NFATC2: variants seen among roughly 807,000 people sequenced by gnomAD.
NFATC2 encodes nuclear factor of activated T-cells, cytoplasmic 2.
Under a neutral mutation model 87.3 loss-of-function variants are expected in NFATC2, and 22 were observed. That is an observed-to-expected ratio of 0.25 (90% CI 0.18 to 0.36). The LOEUF (loss-of-function observed/expected upper bound fraction) is 0.36, where lower values mean the gene tolerates loss of function less well. Among genes scored for constraint, NFATC2 ranks in the 10% least tolerant of loss-of-function variants. NFATC2 has a pLI of 1.00. For missense variants in NFATC2, 1,149 were observed against 1,259.1 expected, an observed-to-expected ratio of 0.91 and a Z score of 1.32; for synonymous variants, 565 against 542.2, an observed-to-expected ratio of 1.04 and a Z score of -0.58.
chr20:51,480,734 C>T lies in NFATC2; in HGVS notation c.1333-5074G>A, dbSNP rs540602899. Reference sequence around the variant, plus strand: ...CAGATAAAAAGGAGACATCACCCCCCACCCTGCAGGCCTCTTCTGAAAGGC... The same window carrying T: ...CAGATAAAAAGGAGACATCACCCCCTACCCTGCAGGCCTCTTCTGAAAGGC... On this transcript the variant is annotated intron_variant, in intron 3 of 10. Transcript: ENST00000371564. The surrounding 1 kb of genome is among the most constrained non-coding windows in gnomAD (Gnocchi z 4.2). Among the ~76,000 whole-genome samples, 1 of 152,226 alleles carries T rather than the reference C, an allele frequency of 6.6e-6. No homozygotes were observed. Among genetic ancestry groups the T allele is most frequent in the Admixed American group, 6.5e-5 (1 of 15,286 alleles).
chr20:51,542,915 G>A (rs745532791), upstream of NFATC2, among the ~76,000 whole-genome samples: 22 of 152,088 alleles, frequency 1.4e-4, no homozygotes, highest in Non-Finnish European at 1.9e-4. Flanking sequence ...ACCGCTGGGC[G>A]CTGGGGCGGC....
chr20:51,553,262 G>A (rs924067039), intron 1 of NFATC2, among the ~76,000 whole-genome samples: 6 of 152,170 alleles, frequency 3.9e-5, no homozygotes, highest in South Asian at 2.1e-4. Context: ...CGCCTGGGCT[G>A]CAGAGTCTTG....
chr20:51,460,388 C>A (rs1338847914), intron 5 of NFATC2, among the ~76,000 whole-genome samples: 1 of 152,136 alleles, frequency 6.6e-6, no homozygotes, highest in Non-Finnish European at 1.5e-5. Context: ...TGTTAACAGT[C>A]CCACTTCACA....
chr20:51,536,869 G>A (rs910673311), intron 1 of NFATC2, among the ~76,000 whole-genome samples: 1 of 151,522 alleles, frequency 6.6e-6, no homozygotes, highest in Non-Finnish European at 1.5e-5. Context: ...TGCTTGCTTA[G>A]TGTAGAACAC....
intron 1 of NFATC2, among the ~76,000 whole-genome samples, chr20:51,556,567 G>C (rs1279628288): frequency 1.3e-5 from 2 of 152,250 alleles, no homozygotes; most frequent in East Asian, 3.9e-4. Context: ...CAAACATCTT[G>C]GTGAAAACAC....
chr20:51,535,114 C>T (rs1306152788), intron 1 of NFATC2, among the ~76,000 whole-genome samples: 1 of 152,178 alleles, frequency 6.6e-6, no homozygotes, highest in Non-Finnish European at 1.5e-5. Context: ...AGAGTGGCTT[C>T]CTCACCAAAA....
chr20:51,545,886 G>A (rs897858670), upstream of NFATC2, among the ~76,000 whole-genome samples: 6 of 152,144 alleles, frequency 3.9e-5, no homozygotes, highest in African/African-American at 1.2e-4. Flanking sequence ...TGTGTTGCAC[G>A]GATGAGTGGA....
rs1555803763 is a variant in NFATC2 at position 51,480,289 on chromosome 20, A to AAAAT, written c.1333-4630_1333-4629insATTT. Among the ~76,000 whole-genome samples, 3 of 151,578 alleles carry AAAAT rather than the reference A, an allele frequency of 2.0e-5. No individual in the cohort carries two copies. The highest frequency in any genetic ancestry group is 2.9e-5 in the Non-Finnish European group (2 of 67,930). ...GGTCACAAAGCAAGACTCTGTCTCA[A>AAAAT]AAAAAATAGAATGTGCTTCCTGCCG... On this transcript the variant is annotated intron_variant, in intron 3 of 10. Coordinates refer to ENST00000371564, the MANE Select transcript of NFATC2 (RefSeq NM_012340.5). The surrounding 1 kb of genome is among the most constrained non-coding windows in gnomAD (Gnocchi z 4.2).
chr20:51,391,577 C>T, intron 10 of NFATC2, 126 bp from the exon 11 acceptor site: 1 of 1,024,580 alleles, frequency 9.8e-7, no homozygotes, highest in Non-Finnish European at 1.5e-6. Flanking sequence ...AGGTCTTGCT[C>T]TGTCACCCAG....
intron 3 of NFATC2, among the ~76,000 whole-genome samples, chr20:51,489,821 T>A (rs894997266): frequency 1.3e-5 from 2 of 152,200 alleles, no homozygotes; most frequent in Non-Finnish European, 2.9e-5. Flanking sequence ...AATGTTCTCA[T>A]CCTCTTACTC....
intron 9 of NFATC2, among the ~76,000 whole-genome samples, chr20:51,406,846 C>T (rs1978386918): frequency 6.6e-6 from 1 of 152,200 alleles, no homozygotes; most frequent in South Asian, 2.1e-4. Context: ...GAGTCAGTGG[C>T]TTCCACAGCA....
intron 9 of NFATC2, among the ~76,000 whole-genome samples, chr20:51,402,353 G>A (rs1988134942): frequency 6.6e-6 from 1 of 152,208 alleles, no homozygotes. Flanking sequence ...AGGCAGGAAA[G>A]CATTCTAAAC....
intron 10 of NFATC2, among the ~76,000 whole-genome samples, chr20:51,395,980 C>CAAAACAGGCTGGGGGCCAG (rs1987023175): frequency 7.1e-6 from 1 of 141,802 alleles, no homozygotes; most frequent in Non-Finnish European, 1.5e-5. Context: ...CTTCATTTGC[C>CAAAACAGGCTGGGGGCCAG]AAAACAGGCT....
chr20:51,521,022 C>A (rs1292598626), intron 2 of NFATC2, among the ~76,000 whole-genome samples: 2 of 152,218 alleles, frequency 1.3e-5, no homozygotes, highest in Non-Finnish European at 2.9e-5. Context: ...AGCCAAATGG[C>A]CTTTGAAATC....
At chr20:51,493,316 T>C (rs1446717492) in intron 3 of NFATC2, among the ~76,000 whole-genome samples, 2 of 152,210 alleles carry the variant, frequency 1.3e-5, no homozygotes, top group East Asian at 1.9e-4. Context: ...CGACACATAG[T>C]AAGCGCTCAG....
chr20:51,447,531 G>A (rs1041552228), intron 6 of NFATC2, among the ~76,000 whole-genome samples: 1 of 152,176 alleles, frequency 6.6e-6, no homozygotes, highest in Non-Finnish European at 1.5e-5. Context: ...CCACCCAGGC[G>A]CAGCGAGTCG....
At chr20:51,414,731 C>T (rs574915003) in intron 9 of NFATC2, among the ~76,000 whole-genome samples, 5 of 151,648 alleles carry the variant, frequency 3.3e-5, no homozygotes, top group South Asian at 4.2e-4. Flanking sequence ...GATTTCCAGG[C>T]GGTGGTTAAG....
chr20:51,467,072 CA>C lies in NFATC2; in HGVS notation c.1708+6907del, dbSNP rs35588474. Reference sequence around the variant, plus strand: ...GAGCAACAAGAGCGAGACTTAGTCTCAAAAAAAAAAAAAAAAAAGACACAAG... The same window carrying C: ...GAGCAACAAGAGCGAGACTTAGTCTCAAAAAAAAAAAAAAAAAGACACAAG... On this transcript the variant is annotated intron_variant, in intron 5 of 10. Coordinates refer to ENST00000371564, the MANE Select transcript of NFATC2 (RefSeq NM_012340.5). 8.9e-3 allele frequency among the ~76,000 whole-genome samples: 706 copies of C among 79,676 alleles called. 2 individuals are homozygous for C. Among genetic ancestry groups the C allele is most frequent in the South Asian group, 0.018 (39 of 2,202 alleles). The allele number at this position is 79,676 out of a possible 152,430, so 52.3% of individuals were successfully genotyped here.
intron 1 of NFATC2, among the ~76,000 whole-genome samples, chr20:51,532,611 C>T (rs905669468): frequency 3.3e-5 from 5 of 152,248 alleles, no homozygotes; most frequent in Non-Finnish European, 5.9e-5. Context: ...CCCCTGGAAG[C>T]TCTGTGAGCC....
Sources: allele counts gnomAD v4.1 joint callset (sites outside exome capture counted in the v4.1 genomes callset), GRCh38; gene constraint gnomAD v4.1.1; non-coding constraint Gnocchi (gnomAD v3.1); transcripts MANE v1.5; gene names NCBI Gene and HGNC (gene_info 2026-07-23, HGNC 2026-07-21).